The following SLX4IP variants were observed in gnomAD, a reference collection of about 807,000 sequenced individuals.
SLX4IP encodes protein SLX4IP.
A neutral mutation model predicts 32.9 loss-of-function variants in SLX4IP; 34 were observed. The ratio of observed to expected loss-of-function variants is 1.03; its 90% CI spans 0.79 to 1.38. The LOEUF (loss-of-function observed/expected upper bound fraction) is 1.38. Ranked by LOEUF, SLX4IP falls within the 40% of genes most tolerant of loss-of-function variation. The pLI, the probability that SLX4IP is intolerant of heterozygous loss-of-function variation, is 0.00. For missense variants in SLX4IP, 444 were observed against 479.0 expected, an observed-to-expected ratio of 0.93 and a Z score of 0.68; for synonymous variants, 172 against 171.7, an observed-to-expected ratio of 1.00 and a Z score of -0.01.
At chr20:10,560,904 T>A in intron 4 of SLX4IP, 84 bp downstream of exon 4, 1 of 1,312,648 alleles carries the variant, frequency 7.6e-7, no homozygotes, top group Non-Finnish European at 1.0e-6. Context: ...TGACTCTGAC[T>A]GTCATGTTAG....
intron 5 of SLX4IP, 43 bp downstream of exon 5, chr20:10,598,795 C>A: frequency 6.3e-7 from 1 of 1,577,002 alleles, no homozygotes; most frequent in Non-Finnish European, 8.7e-7. Flanking sequence ...TTCACACAAT[C>A]TGCTTGCCCT....
At chr20:10,468,066 A>G (rs2065395540) in intron 2 of SLX4IP, among the ~76,000 whole-genome samples, 1 of 152,098 alleles carries the variant, frequency 6.6e-6, no homozygotes, top group Non-Finnish European at 1.5e-5. Flanking sequence ...GCCTACATTG[A>G]TCCCTAAAAC....
chr20:10,495,081 A>G (rs1397053897), intron 2 of SLX4IP, among the ~76,000 whole-genome samples: 1 of 152,212 alleles, frequency 6.6e-6, no homozygotes, highest in East Asian at 1.9e-4. Context: ...ATCACATTGT[A>G]CTGAATAAAT....
intron 2 of SLX4IP, among the ~76,000 whole-genome samples, chr20:10,506,168 C>G (rs553035141): frequency 3.3e-5 from 5 of 152,324 alleles, no homozygotes; most frequent in Non-Finnish European, 7.3e-5. Flanking sequence ...ATATAAAATG[C>G]AAAGCTGGTT....
At chr20:10,451,873 C>T (rs1448914987) in intron 1 of SLX4IP, among the ~76,000 whole-genome samples, 1 of 152,032 alleles carries the variant, frequency 6.6e-6, no homozygotes, top group African/African-American at 2.4e-5. Flanking sequence ...GAGGCTGAGG[C>T]AGGGGAATCG....
At chr20:10,443,950 A>G (rs1333516792) in intron 1 of SLX4IP, among the ~76,000 whole-genome samples, 3 of 152,160 alleles carry the variant, frequency 2.0e-5, no homozygotes, top group Non-Finnish European at 2.9e-5. Flanking sequence ...CTCCCCAGCC[A>G]TGCTTCCTGT....
chr20:10,598,859 C>T, intron 5 of SLX4IP, 107 bp downstream of exon 5: 1 of 1,101,714 alleles, frequency 9.1e-7, no homozygotes, highest in Non-Finnish European at 1.4e-6. Flanking sequence ...GCTTCATTGC[C>T]TTCATGTCTT....
intron 2 of SLX4IP, among the ~76,000 whole-genome samples, chr20:10,515,762 A>G (rs1214835830): frequency 6.6e-6 from 1 of 152,116 alleles, no homozygotes; most frequent in African/African-American, 2.4e-5. Flanking sequence ...TTTTAGGTGT[A>G]TTTGTATGGT....
At chr20:10,505,765 G>C (rs1012118212) in intron 2 of SLX4IP, among the ~76,000 whole-genome samples, 1 of 151,044 alleles carries the variant, frequency 6.6e-6, no homozygotes, top group Non-Finnish European at 1.5e-5. Context: ...ATGTTTGTCT[G>C]TATTATATAC....
At chr20:10,597,756 T>C (rs532545394) in intron 4 of SLX4IP, among the ~76,000 whole-genome samples, 5 of 152,334 alleles carry the variant, frequency 3.3e-5, no homozygotes, top group African/African-American at 1.2e-4. Flanking sequence ...AGTTCAGCTT[T>C]AGATACTCAA....
At chr20:10,613,530 T>A (rs1185090132) in intron 6 of SLX4IP, 1 of 1,610,860 alleles carries the variant, frequency 6.2e-7, no homozygotes, top group Admixed American at 1.7e-5. Flanking sequence ...ATTGTCCATT[T>A]CCTTTTGCCA....
At chr20:10,503,303 G>C (rs181714465) in intron 2 of SLX4IP, among the ~76,000 whole-genome samples, 4 of 152,302 alleles carry the variant, frequency 2.6e-5, no homozygotes, top group African/African-American at 9.6e-5. Context: ...CCTAACAGCT[G>C]GCGGGTGACT....
chr20:10,553,928 C>T (rs759285215), intron 2 of SLX4IP, among the ~76,000 whole-genome samples: 7 of 152,132 alleles, frequency 4.6e-5, no homozygotes, highest in South Asian at 2.1e-4. Flanking sequence ...TTTTCAGGGA[C>T]GTAATACCTA....
chr20:10,543,502 A>G (rs141052690), intron 2 of SLX4IP, among the ~76,000 whole-genome samples: 1 of 152,278 alleles, frequency 6.6e-6, no homozygotes, highest in East Asian at 1.9e-4. Context: ...GTGCAGATGG[A>G]GGCAAGGAGA....
intron 2 of SLX4IP, among the ~76,000 whole-genome samples, chr20:10,469,543 G>A (rs6039963): frequency 0.49 from 74,365 of 151,462 alleles, 19,678 homozygotes; most frequent in Non-Finnish European, 0.6. Flanking sequence ...GTTAGACCTT[G>A]ATACTTTTAA....
At chr20:10,615,165 T>C (rs1265959100) in intron 6 of SLX4IP, among the ~76,000 whole-genome samples, 1 of 152,182 alleles carries the variant, frequency 6.6e-6, no homozygotes, top group East Asian at 1.9e-4. Context: ...GCCTTCATAC[T>C]GGAGAAGTGC....
intron 2 of SLX4IP, among the ~76,000 whole-genome samples, chr20:10,520,914 C>T (rs1644309428): frequency 6.6e-6 from 1 of 152,198 alleles, no homozygotes; most frequent in Non-Finnish European, 1.5e-5. Context: ...TCTATAGACT[C>T]TTTTGGCTGT....
At chr20:10,509,217 G>A (rs2065784892) in intron 2 of SLX4IP, among the ~76,000 whole-genome samples, 1 of 152,198 alleles carries the variant, frequency 6.6e-6, no homozygotes, top group South Asian at 2.1e-4. Flanking sequence ...TACTCTGACT[G>A]TGAAATTGTT....
chr20:10,500,130 CTTT>C (rs34751503), intron 2 of SLX4IP, among the ~76,000 whole-genome samples: 1 of 90,074 alleles, frequency 1.1e-5, no homozygotes. Context: ...TGTCAAAATT[CTTT>C]TTTTTTTTTT....
Sources: allele counts gnomAD v4.1 joint callset (sites outside exome capture counted in the v4.1 genomes callset), GRCh38; gene constraint gnomAD v4.1.1; transcripts MANE v1.5; gene names NCBI Gene and HGNC (gene_info 2026-07-23, HGNC 2026-07-21).